Variants in LRP5 observed in about 807,000 individuals in gnomAD.
LRP5 encodes LDL receptor related protein 5.
LRP5 carries 62 observed loss-of-function variants against 154.1 expected under a neutral mutation model. The observed-to-expected ratio is 0.40, with a 90% CI of 0.33 to 0.50. LRP5 has a LOEUF of 0.50. Among genes scored for constraint, LRP5 ranks in the 20% least tolerant of loss-of-function variants. The probability of loss-of-function intolerance (pLI) is 0.55; values close to 1 mark genes in which losing one functional copy is unlikely to be tolerated. For missense variants in LRP5, 1,915 were observed against 2,336.7 expected (o/e 0.82, Z 3.72); for synonymous variants, 966 against 1,011.5 (o/e 0.96, Z 0.85).
the LRP5 span, among the ~76,000 whole-genome samples, chr11:68,300,943 T>G: frequency 0.78 from 114,897 of 146,678 alleles, 47,071 homozygotes; most frequent in African/African-American, 0.85. Context: ...TTTATTTTTT[T>G]GAGAGAGAGT....
intron 1 of LRP5, among the ~76,000 whole-genome samples, chr11:68,340,544 GTAA>G (rs1265262326): frequency 1.3e-5 from 2 of 152,182 alleles, no homozygotes; most frequent in African/African-American, 2.4e-5. Flanking sequence ...TGGAGGTGCA[GTAA>G]TTATCCCCAT....
intron 7 of LRP5, among the ~76,000 whole-genome samples, chr11:68,395,527 C>T (rs974318325): frequency 6.6e-6 from 1 of 152,128 alleles, no homozygotes; most frequent in Non-Finnish European, 1.5e-5. Context: ...AACTTGGGGA[C>T]TGCTGGGGTG....
chr11:68,299,321 A>C, the LRP5 span, among the ~76,000 whole-genome samples: 2 of 152,142 alleles, frequency 1.3e-5, no homozygotes, highest in Non-Finnish European at 2.9e-5. Context: ...GTAGCAGCTC[A>C]GGGGGAGGCT....
In LRP5 at chr11:68,416,380, C is replaced by T; in HGVS notation, c.2880C>T (p.Ile960=). The change falls in exon 13 of 23, where the codon ATC becomes ATT. Residue 960 remains isoleucine, a synonymous_variant. Transcript: ENST00000294304. ...AGAAATCTGCCATCAGTCGGATGAT[C>T]CCGGACGACCAGCACAGCCCGGATC... ...FSQKSAISRM[I]PDDQHSPDLI... is the part of the protein sequence containing the mutation. The T allele has an allele frequency of 6.2e-7, 1 of 1,614,182 alleles. No homozygotes were observed. The highest frequency in any genetic ancestry group is 8.5e-7 in the Non-Finnish European group (1 of 1,180,038).
intron 7 of LRP5, among the ~76,000 whole-genome samples, chr11:68,398,926 A>G (rs1377088097): frequency 1.3e-5 from 2 of 152,038 alleles, no homozygotes; most frequent in African/African-American, 4.8e-5. Context: ...TAGTAAAGAC[A>G]GGGTCTTTCT....
intron 15 of LRP5, among the ~76,000 whole-genome samples, chr11:68,425,577 C>T (rs778659111): frequency 1.1e-4 from 17 of 152,322 alleles, no homozygotes; most frequent in Non-Finnish European, 2.1e-4. Flanking sequence ...CCAGCACCTG[C>T]GCAAGAAGCT....
At chr11:68,336,851 T>C (rs1322172273) in intron 1 of LRP5, among the ~76,000 whole-genome samples, 2 of 152,238 alleles carry the variant, frequency 1.3e-5, no homozygotes, top group African/African-American at 4.8e-5. Context: ...TTCAGTGGCA[T>C]TAAGAACATT....
intron 1 of LRP5, among the ~76,000 whole-genome samples, chr11:68,340,788 A>T (rs2098608485): frequency 6.6e-6 from 1 of 152,194 alleles, no homozygotes; most frequent in Non-Finnish European, 1.5e-5. Flanking sequence ...ATTAAAAACT[A>T]TATATTTACC....
chr11:68,350,858 G>A (rs2153131702), intron 2 of LRP5, among the ~76,000 whole-genome samples: 1 of 152,366 alleles, frequency 6.6e-6, no homozygotes, highest in Middle Eastern at 3.4e-3. Flanking sequence ...GTGTGTGTCT[G>A]AGCAACTGAG....
chr11:68,350,747 G>C (rs374540623), intron 2 of LRP5, among the ~76,000 whole-genome samples: 1 of 152,252 alleles, frequency 6.6e-6, no homozygotes, highest in East Asian at 1.9e-4. Flanking sequence ...TCACCTCTTT[G>C]ATCTGTGTGG....
chr11:68,440,258 G>A (rs922462989), intron 21 of LRP5, among the ~76,000 whole-genome samples: 6 of 152,188 alleles, frequency 3.9e-5, no homozygotes, highest in African/African-American at 9.6e-5. Context: ...TGCCCTCTGT[G>A]AGCCTCCCCA....
chr11:68,341,058 TC>T (rs1425024607), intron 1 of LRP5, among the ~76,000 whole-genome samples: 1 of 144,468 alleles, frequency 6.9e-6, no homozygotes. Flanking sequence ...TGGAGATTGT[TC>T]TTTTTTTTTT....
chr11:68,427,508 C>T (rs1425404617), intron 16 of LRP5, among the ~76,000 whole-genome samples: 1 of 152,126 alleles, frequency 6.6e-6, no homozygotes, highest in Non-Finnish European at 1.5e-5. Context: ...AGTGAAATCC[C>T]GTCTCTACTA....
chr11:68,443,844 G>A (rs895822797), intron 21 of LRP5, among the ~76,000 whole-genome samples: 2 of 151,216 alleles, frequency 1.3e-5, no homozygotes, highest in Non-Finnish European at 2.9e-5. Context: ...TTTTAGTAGA[G>A]ACGGGGGTTT....
In LRP5 at chr11:68,416,516, G is replaced by A. The variant is rs147758521; in HGVS notation, c.3016G>A (p.Asp1006Asn). The change falls in exon 13 of 23, where the codon GAC (aspartate) becomes AAC (asparagine). Residue 1006 changes from aspartate to asparagine, a missense_variant. This residue lies in a region of LRP5 where 1,094 missense variants were observed against 1,210.1 expected (regional missense o/e 0.90). Transcript: ENST00000294304. Reference sequence around the variant, plus strand: ...CCAGAACATCAAGCGAGCCAAGGACGACGGGACCCAGGCAGGTGCCCTGTG... The same window carrying A: ...CCAGAACATCAAGCGAGCCAAGGACAACGGGACCCAGGCAGGTGCCCTGTG... ...GRQNIKRAKD[D>N]GTQPFVLTSL... 1.9e-4 allele frequency: 314 copies of A among 1,613,870 alleles called. No homozygotes were observed. Among genetic ancestry groups the A allele is most frequent in the Non-Finnish European group, 2.5e-4 (297 of 1,180,030 alleles).
chr11:68,376,484 G>C lies in LRP5; in HGVS notation c.1016-9832G>C, dbSNP rs34630457. ...CAGGCATGAGCCACCATGCCTGGCC[G>C]GCCCTACTTCTTAAATGGGCCTGAG... On this transcript the variant is annotated intron_variant, in intron 5 of 22. Transcript: ENST00000294304. Among the ~76,000 whole-genome samples, 778 of 152,216 alleles carry C rather than the reference G, an allele frequency of 5.1e-3. 25 individuals carry two copies. In the East Asian group the frequency reaches 0.063, roughly 12 times the overall value.
At chr11:68,394,691 C>T (rs1431070914) in intron 7 of LRP5, among the ~76,000 whole-genome samples, 1 of 152,156 alleles carries the variant, frequency 6.6e-6, no homozygotes, top group East Asian at 1.9e-4. Context: ...GTCTCGATCT[C>T]CTGACCTCAT....
intron 5 of LRP5, among the ~76,000 whole-genome samples, chr11:68,378,640 A>T (rs2098638726): frequency 6.6e-6 from 1 of 152,200 alleles, no homozygotes; most frequent in Non-Finnish European, 1.5e-5. Flanking sequence ...CAAGGAAAAC[A>T]TTATAAAAAA....
At chr11:68,302,550 T>C in the LRP5 span, among the ~76,000 whole-genome samples, 1 of 152,132 alleles carries the variant, frequency 6.6e-6, no homozygotes, top group South Asian at 2.1e-4. Flanking sequence ...CCCTCAGTTC[T>C]AGGTAAACCA....
Sources: gnomAD v4.1 joint callset for allele counts (sites outside exome capture counted in the v4.1 genomes callset) on GRCh38, gnomAD v4.1.1 for gene constraint, gnomAD v4.1.1 regional missense constraint, MANE v1.5 for transcripts, NCBI Gene and HGNC (gene_info 2026-07-23, HGNC 2026-07-21) for gene names.